The following RUNX1T1 variants were observed in gnomAD, a reference collection of about 807,000 sequenced individuals.
RUNX1T1 encodes protein CBFA2T1.
In RUNX1T1, 4 loss-of-function variants were observed where a neutral mutation model predicts 62.8. The observed-to-expected ratio is 0.06, with a 90% CI of 0.03 to 0.15. The LOEUF (loss-of-function observed/expected upper bound fraction) is 0.15. RUNX1T1 is among the 10% of genes least tolerant of loss of function. The probability of loss-of-function intolerance (pLI) is 1.00; values close to 1 mark genes in which losing one functional copy is unlikely to be tolerated. For synonymous variants in RUNX1T1, 291 were observed against 286.0 expected (o/e 1.02, Z -0.18); for missense variants, 508 against 754.3 (o/e 0.67, Z 3.82).
chr8:92,063,296 T>C (rs995806713), upstream of RUNX1T1, among the ~76,000 whole-genome samples: 1 of 152,184 alleles, frequency 6.6e-6, no homozygotes, highest in Non-Finnish European at 1.5e-5. Context: ...CCGACCACTT[T>C]TATTTTACTC....
intron 2 of RUNX1T1, 30 bp downstream of exon 2, chr8:92,075,935 G>A (rs200761821): frequency 3.2e-4 from 510 of 1,573,330 alleles, no homozygotes; most frequent in Non-Finnish European, 3.9e-4. Context: ...TAAGTAAATT[G>A]CAAAATCAAA....
chr8:91,996,755 G>C (rs1054507451), intron 5 of RUNX1T1, among the ~76,000 whole-genome samples: 4 of 151,502 alleles, frequency 2.6e-5, no homozygotes, highest in Non-Finnish European at 5.9e-5. Context: ...CCTATCTCAG[G>C]CTCTTTTTTT....
At chr8:92,072,393 G>A (rs1014210744) in intron 2 of RUNX1T1, among the ~76,000 whole-genome samples, 16 of 151,942 alleles carry the variant, frequency 1.1e-4, no homozygotes, top group Admixed American at 8.5e-4. Context: ...CCAAACTCAG[G>A]AATATCAAAC....
chr8:92,020,532 T>A (rs894286708), intron 1 of RUNX1T1, among the ~76,000 whole-genome samples: 6 of 152,018 alleles, frequency 3.9e-5, no homozygotes, highest in African/African-American at 1.4e-4. Flanking sequence ...ACAAAATGAT[T>A]AAAAGTCAAA....
At chr8:91,977,786 TTTTTTTC>T (rs1295348562) in intron 8 of RUNX1T1, among the ~76,000 whole-genome samples, 1 of 150,924 alleles carries the variant, frequency 6.6e-6, no homozygotes, top group Non-Finnish European at 1.5e-5. Context: ...TAAAAACTTA[TTTTTTTC>T]TTTTTTCTTT....
intron 1 of RUNX1T1, among the ~76,000 whole-genome samples, chr8:92,087,542 T>C (rs1836322433): frequency 6.6e-6 from 1 of 152,140 alleles, no homozygotes; most frequent in African/African-American, 2.4e-5. Flanking sequence ...AAAATCTCAC[T>C]TGCTGCACCA....
intron 1 of RUNX1T1, among the ~76,000 whole-genome samples, chr8:92,058,996 AT>A (rs1449420860): frequency 6.6e-6 from 1 of 152,146 alleles, no homozygotes; most frequent in African/African-American, 2.4e-5. Context: ...TCCAAATATC[AT>A]TTTACATACA....
intron 4 of RUNX1T1, among the ~76,000 whole-genome samples, chr8:92,008,386 T>TCACACA (rs1320545508): frequency 5.1e-3 from 251 of 49,094 alleles, no homozygotes; most frequent in East Asian, 0.03. Context: ...TCTCTCTCTC[T>TCACACA]CTCACACACA....
chr8:92,072,638 A>C (rs578118972), intron 2 of RUNX1T1, among the ~76,000 whole-genome samples: 2 of 152,234 alleles, frequency 1.3e-5, no homozygotes, highest in Non-Finnish European at 1.5e-5. Flanking sequence ...ATTCCTATAG[A>C]GGCAAAGAGA....
At chr8:92,001,733 T>C (rs1017210426) in intron 5 of RUNX1T1, among the ~76,000 whole-genome samples, 5 of 152,196 alleles carry the variant, frequency 3.3e-5, no homozygotes, top group African/African-American at 9.7e-5. Flanking sequence ...ACCAGAAAAG[T>C]AGCATAACAG....
intron 1 of RUNX1T1, among the ~76,000 whole-genome samples, chr8:92,060,775 C>T (rs929384988): frequency 2.0e-5 from 3 of 151,868 alleles, no homozygotes; most frequent in Non-Finnish European, 4.4e-5. Context: ...GTAGTCCATC[C>T]AATAGTAGAA....
At chr8:92,053,314 T>C (rs907554628) in intron 1 of RUNX1T1, among the ~76,000 whole-genome samples, 1 of 152,206 alleles carries the variant, frequency 6.6e-6, no homozygotes, top group Non-Finnish European at 1.5e-5. Flanking sequence ...TACTTCTCTT[T>C]GCTAAAATCT....
chr8:92,048,306 T>A (rs1416153575), intron 1 of RUNX1T1, among the ~76,000 whole-genome samples: 1 of 152,164 alleles, frequency 6.6e-6, no homozygotes. Context: ...GGAAAAAGTG[T>A]GTCAGATCAT....
At position 91,991,645 on chromosome 8, in the gene RUNX1T1, G is replaced by A. The variant is rs1817693713; in HGVS notation, c.904C>T (p.Pro302Ser). The stretch of plus-strand genomic sequence containing the variant: ...ACAGGTCCTTCAGTCTTACCCATAG[G>A]TCTGTTTCTGTCCCTGAGGTCCCTG... Residue 302 changes from proline to serine, a missense_variant, in exon 6 of 11, where the codon CCT (proline) becomes TCT (serine). By Grantham distance (74) the Pro-to-Ser change is moderately conservative. Coordinates refer to ENST00000396218, the Ensembl canonical transcript of RUNX1T1. The A allele has an allele frequency of 2.5e-6, 4 of 1,613,534 alleles. No individual in the cohort carries two copies. In the South Asian group the frequency reaches 3.3e-5, roughly 13 times the overall value.
At chr8:92,041,601 G>A (rs917083339) in intron 1 of RUNX1T1, among the ~76,000 whole-genome samples, 3 of 152,140 alleles carry the variant, frequency 2.0e-5, no homozygotes, top group Middle Eastern at 3.4e-3. Flanking sequence ...AATTAGCTGG[G>A]CGTGGTGGCA....
chr8:92,053,367 C>T (rs1830524219), intron 1 of RUNX1T1, among the ~76,000 whole-genome samples: 1 of 152,130 alleles, frequency 6.6e-6, no homozygotes, highest in Non-Finnish European at 1.5e-5. Flanking sequence ...TATACCCATC[C>T]TCCACTAGGT....
At chr8:92,062,859 C>G in exon 1 of RUNX1T1, 2 of 1,395,722 alleles carry the variant, frequency 1.4e-6, no homozygotes, top group South Asian at 3.0e-5. Context: ...GTATCACAAC[C>G]CCTACCCTCC....
chr8:92,095,490 CGCA>C lies in RUNX1T1; in HGVS notation c.-86+4087_-86+4089del, dbSNP rs771291634. The stretch of plus-strand genomic sequence containing the variant: ...CATTGTGTGTGAGTGAGTGTGTGAG[CGCA>C]GGAGGGAGAGGAGAGAAGCCAACGT... On this transcript the variant is annotated intron_variant, in intron 1 of 11. Transcript: ENST00000265814. The C allele has an allele frequency of 1.7e-5, 26 of 1,525,626 alleles. No individual in the cohort carries two copies. The East Asian group carries it at 3.4e-4, about 20-fold the overall frequency. The allele number at this position is 1,525,626 out of a possible 1,614,324, so 94.5% of individuals were successfully genotyped here.
chr8:92,010,701 C>T (rs1821752655), intron 4 of RUNX1T1: 1 of 215,964 alleles, frequency 4.6e-6, no homozygotes, highest in South Asian at 1.3e-4. Flanking sequence ...CTTCTGTTCA[C>T]TCTAAAGACA....
Sources: allele counts gnomAD v4.1 joint callset (sites outside exome capture counted in the v4.1 genomes callset), GRCh38; gene constraint gnomAD v4.1.1; transcripts MANE v1.5; gene names NCBI Gene and HGNC (gene_info 2026-07-23, HGNC 2026-07-21).